Variants in NTRK3 observed in about 807,000 individuals in gnomAD.
The protein encoded by NTRK3 is NT-3 growth factor receptor.
In NTRK3, 24 loss-of-function variants were observed where a neutral mutation model predicts 91.7. The observed-to-expected ratio is 0.26, with a 90% CI of 0.19 to 0.37. The LOEUF (loss-of-function observed/expected upper bound fraction) is 0.37. NTRK3 is among the 10% of genes least tolerant of loss of function. The pLI is 1.00. For synonymous variants in NTRK3, 483 were observed against 404.0 expected, an observed-to-expected ratio of 1.20 and a Z score of -2.34; for missense variants, 880 against 1,068.9, an observed-to-expected ratio of 0.82 and a Z score of 2.46.
At chr15:88,042,117 T>C (rs1342628355) in intron 13 of NTRK3, among the ~76,000 whole-genome samples, 1 of 152,142 alleles carries the variant, frequency 6.6e-6, no homozygotes, top group Non-Finnish European at 1.5e-5. Context: ...AATCAAACAC[T>C]GACATGTCCC....
chr15:87,909,746 G>T (rs1212155077), intron 17 of NTRK3, among the ~76,000 whole-genome samples: 2 of 152,166 alleles, frequency 1.3e-5, no homozygotes, highest in Admixed American at 1.3e-4. Flanking sequence ...GGGTCTGTAG[G>T]GTGGGCCCTA....
chr15:87,867,327 C>T (rs1295275825), exon 19 of NTRK3: 2 of 226,886 alleles, frequency 8.8e-6, no homozygotes, highest in Admixed American at 1.1e-4. Context: ...TTTCCCTGGC[C>T]TTAAAGGGTG....
chr15:88,232,298 A>C (rs1018264183), intron 3 of NTRK3, among the ~76,000 whole-genome samples: 2 of 109,506 alleles, frequency 1.8e-5, no homozygotes, highest in African/African-American at 3.5e-5. Flanking sequence ...TTCTATCGCC[A>C]CCTCACTTGT....
chr15:88,039,352 C>T (rs964032869), intron 13 of NTRK3, among the ~76,000 whole-genome samples: 2 of 152,206 alleles, frequency 1.3e-5, no homozygotes, highest in Non-Finnish European at 2.9e-5. Flanking sequence ...TCTGCACAGA[C>T]TCTCAATATC....
chr15:88,127,129 C>CAACACACTCCTCTTGACCAAGAAGT (rs1443692733), intron 12 of NTRK3, 33 bp downstream of exon 12: 20 of 1,584,946 alleles, frequency 1.3e-5, no homozygotes, highest in Non-Finnish European at 1.7e-5. Context: ...CTATGCCAGT[C>CAACACACTCCTCTTGACCAAGAAGT]AACACACTCC....
intron 5 of NTRK3, among the ~76,000 whole-genome samples, chr15:88,176,515 C>A (rs2046013158): frequency 1.3e-5 from 2 of 152,072 alleles, no homozygotes; most frequent in Non-Finnish European, 2.9e-5. Flanking sequence ...AGGTAAGACC[C>A]AAAGAAAGTA....
chr15:87,953,941 C>T (rs975513763), intron 14 of NTRK3, among the ~76,000 whole-genome samples: 3 of 151,814 alleles, frequency 2.0e-5, no homozygotes, highest in Non-Finnish European at 2.9e-5. Context: ...TGCGGGTTAT[C>T]GACCTCCATT....
At chr15:88,038,427 C>T (rs1229212556) in intron 13 of NTRK3, among the ~76,000 whole-genome samples, 1 of 152,216 alleles carries the variant, frequency 6.6e-6, no homozygotes, top group Non-Finnish European at 1.5e-5. Flanking sequence ...CAACTGGCCC[C>T]TGCCTGCTTG....
chr15:88,150,605 GC>G, intron 5 of NTRK3, among the ~76,000 whole-genome samples: 1 of 151,948 alleles, frequency 6.6e-6, no homozygotes, highest in East Asian at 1.9e-4. Context: ...CATGTGATCT[GC>G]CCACAGACAC....
intron 3 of NTRK3, among the ~76,000 whole-genome samples, chr15:88,232,860 T>A (rs898671002): frequency 1.3e-5 from 2 of 152,116 alleles, no homozygotes; most frequent in African/African-American, 4.8e-5. Flanking sequence ...AAGAGTTTTG[T>A]GGAGTGATGT....
chr15:87,873,770 A>G (rs1015279671), exon 19 of NTRK3: 1 of 231,734 alleles, frequency 4.3e-6, no homozygotes, highest in African/African-American at 2.2e-5. Flanking sequence ...CAGGATGGGA[A>G]GCCGACCAAA....
intron 14 of NTRK3, among the ~76,000 whole-genome samples, chr15:87,951,826 C>A (rs1371842488): frequency 6.6e-6 from 1 of 152,136 alleles, no homozygotes; most frequent in African/African-American, 2.4e-5. Context: ...CCCTAAGGGT[C>A]TTTCTTCAAG....
chr15:88,103,445 C>T (rs569751615), intron 13 of NTRK3, among the ~76,000 whole-genome samples: 32 of 152,188 alleles, frequency 2.1e-4, no homozygotes, highest in Admixed American at 1.5e-3. Context: ...ACACACACAA[C>T]GACGGACAGA....
At chr15:87,929,883 C>A (rs549729791) in intron 16 of NTRK3, among the ~76,000 whole-genome samples, 19 of 152,248 alleles carry the variant, frequency 1.2e-4, no homozygotes, top group African/African-American at 4.6e-4. Context: ...GATTGCTCAG[C>A]CAAAGTCCCA....
At chr15:87,925,668 A>C (rs1235144773) in intron 17 of NTRK3, 1 of 194,216 alleles carries the variant, frequency 5.1e-6, no homozygotes, top group Admixed American at 6.1e-5. Context: ...ATGTATACTG[A>C]ACAAAAAAGT....
intron 17 of NTRK3, among the ~76,000 whole-genome samples, chr15:87,896,896 TTA>T (rs1188536201): frequency 6.6e-6 from 1 of 152,312 alleles, no homozygotes; most frequent in African/African-American, 2.4e-5. Context: ...ATCTAGCTTC[TTA>T]GAGACAAACT....
Position 88,033,355 on chromosome 15 carries a change from G to GGCT in NTRK3, c.1397-313_1397-311dup, listed in dbSNP as rs532432397. ...AAATAGAGTCTCTCTCCATCACCCA[G>GGCT]GCTGGAGGGCAGTGGCGCCATCTTG... is the stretch of plus-strand genomic sequence containing the variant. On this transcript the variant is annotated intron_variant, in intron 13 of 18. Coordinates refer to ENST00000394480, the Ensembl canonical transcript of NTRK3. Among the ~76,000 whole-genome samples the GGCT allele has an allele frequency of 1.1e-3, 169 of 150,068 alleles. 4 individuals carry two copies. In the East Asian group the frequency reaches 0.029, roughly 26 times the overall value.
chr15:88,127,067 A>T (rs1379839345), intron 12 of NTRK3, 95 bp downstream of exon 12: 5 of 1,100,008 alleles, frequency 4.5e-6, no homozygotes, highest in Non-Finnish European at 6.9e-6. Context: ...TCAAAGTTTC[A>T]AGTAAGATAA....
At chr15:87,984,524 C>T (rs986427455) in intron 14 of NTRK3, among the ~76,000 whole-genome samples, 4 of 152,334 alleles carry the variant, frequency 2.6e-5, no homozygotes, top group Middle Eastern at 6.8e-3. Context: ...GGTGAGTGAG[C>T]CCCAAACGCC....
Sources: allele counts gnomAD v4.1 joint callset (sites outside exome capture counted in the v4.1 genomes callset), GRCh38; gene constraint gnomAD v4.1.1; transcripts MANE v1.5; gene names NCBI Gene and HGNC (gene_info 2026-07-23, HGNC 2026-07-21).